The following CAPN7 variants were observed in gnomAD, a reference collection of about 807,000 sequenced individuals.
CAPN7 encodes the protein calpain 7.
CAPN7 carries 72 observed loss-of-function variants against 115.2 expected under a neutral mutation model. That is an observed-to-expected ratio of 0.63 (90% CI 0.52 to 0.76). The LOEUF is 0.76. Ranked by LOEUF, CAPN7 falls within the 30% of genes least tolerant of loss-of-function variation. CAPN7 has a pLI of 0.00. For synonymous variants in CAPN7, 344 were observed against 322.3 expected (o/e 1.07, Z -0.72); for missense variants, 905 against 971.5 (o/e 0.93, Z 0.91).
At chr3:15,213,445 A>G (rs151029861) in intron 2 of CAPN7, among the ~76,000 whole-genome samples, 5 of 152,230 alleles carry the variant, frequency 3.3e-5, no homozygotes, top group African/African-American at 1.2e-4. Flanking sequence ...ACATTGCACT[A>G]TCATGGAAAC....
intron 19 of CAPN7, among the ~76,000 whole-genome samples, 180 bp downstream of exon 19, chr3:15,247,637 A>G (rs181776758): frequency 1.2e-3 from 181 of 152,332 alleles, no homozygotes; most frequent in African/African-American, 4.2e-3. Context: ...TTGAGTATCC[A>G]TGTGTAAAAA....
At chr3:15,219,141 C>G (rs2124906655) in intron 4 of CAPN7, among the ~76,000 whole-genome samples, 1 of 152,324 alleles carries the variant, frequency 6.6e-6, no homozygotes, top group African/African-American at 2.4e-5. Flanking sequence ...GATGTAAGCT[C>G]TGAGGGCAGA....
In CAPN7 at chr3:15,251,142, A is replaced by C; in HGVS notation, c.2324A>C (p.Glu775Ala). ...TGTGGGTTTTGCTACCTGGAATTAGAAAATATACCTTCTGGGATCTTCAAT... is the reference window on the plus strand; with the variant it reads ...TGTGGGTTTTGCTACCTGGAATTAGCAAATATACCTTCTGGGATCTTCAAT... ...YRCGFCYLEL[E>A]NIPSGIFNII... Residue 775 changes from glutamate (E) to alanine (A), a missense_variant, in exon 21 of 21, where the codon GAA (glutamate) becomes GCA (alanine). This residue lies in a region of CAPN7 where 620 missense variants were observed against 703.4 expected (regional missense o/e 0.88). Transcript: ENST00000253693. The C allele has an allele frequency of 1.2e-6, 2 of 1,606,786 alleles. No homozygotes were observed. The highest frequency in any genetic ancestry group is 1.7e-6 in the Non-Finnish European group (2 of 1,176,420).
Position 15,215,830 on chromosome 3 carries a change from A to G in CAPN7, c.212-1595A>G, listed in dbSNP as rs528513736. ...TGTACACGCAGTGGCTCATGCCTGT[A>G]ATCCCAGCACTTTGGGAGGCCAAGG... On this transcript the variant is annotated intron_variant, in intron 2 of 20. Coordinates refer to ENST00000253693, the MANE Select transcript of CAPN7 (RefSeq NM_014296.3). Among the ~76,000 whole-genome samples the G allele has an allele frequency of 2.0e-5, 3 of 151,826 alleles. No individual in the cohort carries two copies. In the South Asian group the frequency reaches 6.2e-4, roughly 31 times the overall value.
chr3:15,206,414 C>A lies in CAPN7; in HGVS notation c.-82C>A. The A allele has an allele frequency of 9.2e-7, 1 of 1,084,492 alleles. No homozygotes were observed. Among genetic ancestry groups the A allele is most frequent in the Non-Finnish European group, 1.3e-6 (1 of 748,336 alleles). 67.2% of individuals were successfully genotyped at this position (1,084,492 alleles called of 1,614,324 possible). A position where few individuals can be genotyped will look rare whatever the true frequency, so the allele number is the denominator to read the frequency against. ...CTTCCGCGGCGCTCCCGAGTCCTCG[C>A]CGCCGCCGGGCCGCCGCAGTCCGCG... On this transcript the variant is annotated 5_prime_UTR_variant, in exon 1 of 21. Transcript: ENST00000253693.
Position 15,223,519 on chromosome 3 carries a change from A to T in CAPN7, c.683A>T (p.Asn228Ile). The T allele has an allele frequency of 1.9e-6, 3 of 1,610,236 alleles. No homozygotes were observed. Among genetic ancestry groups the T allele is most frequent in the Non-Finnish European group, 2.5e-6 (3 of 1,178,268 alleles). ...GGTATAGAATATGTTCCTTTCATGAATGTTGACCTGAGAGAACGTTTTGCC... is the reference window on the plus strand; with the variant it reads ...GGTATAGAATATGTTCCTTTCATGATTGTTGACCTGAGAGAACGTTTTGCC... ...INGIEYVPFM[N>I]VDLRERFAYP... The change falls in exon 6 of 21, where the codon AAT becomes ATT. Residue 228 changes from asparagine (N) to isoleucine (I), a missense_variant. Asn to Ile is a moderately radical substitution (Grantham distance 149). This residue lies in a region of CAPN7 where 620 missense variants were observed against 703.4 expected (regional missense o/e 0.88). Coordinates refer to ENST00000253693, the MANE Select transcript of CAPN7 (RefSeq NM_014296.3).
At chr3:15,211,300 G>T (rs909525390) in intron 1 of CAPN7, among the ~76,000 whole-genome samples, 1 of 152,048 alleles carries the variant, frequency 6.6e-6, no homozygotes, top group Admixed American at 6.6e-5. Context: ...TGAATTACTT[G>T]CAATCAGTTC....
chr3:15,246,372 G>C (rs545379429), intron 17 of CAPN7: 2 of 194,572 alleles, frequency 1.0e-5, no homozygotes, highest in Non-Finnish European at 1.0e-5. Context: ...TAGCTGGGAA[G>C]GTCATTGTAA....
At chr3:15,213,563 A>G (rs1219011881) in intron 2 of CAPN7, among the ~76,000 whole-genome samples, 2 of 152,194 alleles carry the variant, frequency 1.3e-5, no homozygotes, top group Non-Finnish European at 2.9e-5. Context: ...CCTAAGGTAT[A>G]TTTCCATCTT....
At chr3:15,220,164 C>T (rs545812356) in intron 4 of CAPN7, among the ~76,000 whole-genome samples, 4 of 151,888 alleles carry the variant, frequency 2.6e-5, no homozygotes, top group South Asian at 4.2e-4. Context: ...TGCGCCACTA[C>T]GCTCTAGCTT....
At position 15,235,051 on chromosome 3, in the gene CAPN7, C is replaced by G. The variant is rs774707467; in HGVS notation, c.1313C>G (p.Thr438Ser). 1 of 1,612,988 alleles carries G rather than the reference C, an allele frequency of 6.2e-7. No individual in the cohort carries two copies. Among genetic ancestry groups the G allele is most frequent in the South Asian group, 1.1e-5 (1 of 90,992 alleles). ...QRFHKGDVLI[T>S]ASTGMMTEAE... is the part of the protein sequence containing the mutation. ...TTTCACAAAGGAGATGTCCTCATCA[C>G]TGCGTCAACTGGAATGATGACAGAA... The change falls in exon 12 of 21, where the codon ACT becomes AGT. Residue 438 changes from threonine to serine, a missense_variant. Around this residue, in one of 3 missense-constraint regions of CAPN7, gnomAD observed 620 missense variants for 703.4 expected, o/e 0.88. Transcript: ENST00000253693.
At chr3:15,208,453 ATTTTTTTTTT>A (rs1218217326) in intron 1 of CAPN7, among the ~76,000 whole-genome samples, 4 of 126,156 alleles carry the variant, frequency 3.2e-5, no homozygotes, top group Admixed American at 2.4e-4. Flanking sequence ...CACTTGGCTA[ATTTTTTTTTT>A]TTTTTTTTTT....
chr3:15,225,154 A>G (rs1028979692), intron 6 of CAPN7, among the ~76,000 whole-genome samples: 1 of 152,216 alleles, frequency 6.6e-6, no homozygotes, highest in African/African-American at 2.4e-5. Flanking sequence ...GCACTATATA[A>G]TAAAGGTTAC....
intron 10 of CAPN7, among the ~76,000 whole-genome samples, chr3:15,233,627 C>T (rs1399874143): frequency 6.6e-6 from 1 of 152,074 alleles, no homozygotes; most frequent in Admixed American, 6.5e-5. Flanking sequence ...ATCATATTCA[C>T]CTGTAAAAAA....
chr3:15,235,166 C>G (rs1390381798), intron 12 of CAPN7, 21 bp downstream of exon 12: 1 of 1,573,840 alleles, frequency 6.4e-7, no homozygotes, highest in Non-Finnish European at 8.6e-7. Flanking sequence ...AAATCTTTTT[C>G]TTTTATTTTT....
intron 12 of CAPN7, among the ~76,000 whole-genome samples, chr3:15,236,314 T>C (rs142554341): frequency 8.5e-5 from 13 of 152,382 alleles, no homozygotes; most frequent in African/African-American, 2.9e-4. Context: ...GTTTCTGCAA[T>C]ATCTGGTTAG....
At chr3:15,243,536 C>G (rs1218504815) in intron 16 of CAPN7, among the ~76,000 whole-genome samples, 1 of 152,090 alleles carries the variant, frequency 6.6e-6, no homozygotes, top group Non-Finnish European at 1.5e-5. Context: ...CCCTTGGACT[C>G]TCAGACACCT....
chr3:15,206,916 G>T (rs2044659850), intron 1 of CAPN7, among the ~76,000 whole-genome samples: 1 of 152,256 alleles, frequency 6.6e-6, no homozygotes, highest in Non-Finnish European at 1.5e-5. Context: ...GCTGTCACTT[G>T]ACTCTGATTT....
At chr3:15,245,761 GT>G (rs1695622323) in intron 17 of CAPN7, 90 bp downstream of exon 17, 1 of 1,045,050 alleles carries the variant, frequency 9.6e-7, no homozygotes, top group Non-Finnish European at 1.3e-6. Context: ...TGGAGAAAAA[GT>G]TTATTTCTGA....
Sources: gnomAD v4.1 joint callset for allele counts (sites outside exome capture counted in the v4.1 genomes callset) on GRCh38, gnomAD v4.1.1 for gene constraint, gnomAD v4.1.1 regional missense constraint, MANE v1.5 for transcripts, NCBI Gene and HGNC (gene_info 2026-07-23, HGNC 2026-07-21) for gene names.